P3H2: variants seen among roughly 807,000 people sequenced by gnomAD.
P3H2 encodes leprecan-like 1.
P3H2 carries 80 observed loss-of-function variants against 87.0 expected under a neutral mutation model. The ratio of observed to expected loss-of-function variants is 0.92; its 90% confidence interval spans 0.77 to 1.11. P3H2 has a LOEUF of 1.11. P3H2 is among the 50% of genes least tolerant of loss of function. The probability of loss-of-function intolerance (pLI) is 0.00; values close to 1 mark genes in which losing one functional copy is unlikely to be tolerated. For synonymous variants in P3H2, 367 were observed against 359.3 expected, an observed-to-expected ratio of 1.02 and a Z score of -0.24; for missense variants, 1,001 against 923.9, an observed-to-expected ratio of 1.08 and a Z score of -1.08.
rs751133671 is a variant in P3H2 at position 189,988,901 on chromosome 3, C to T, written c.955+6G>A. 1.2e-6 allele frequency: 2 copies of T among 1,613,900 alleles called. No individual in the cohort carries two copies. The highest frequency in any genetic ancestry group is 1.7e-6 in the Non-Finnish European group (2 of 1,179,974). ...AAGAAGTCTTCACGGATGATCCACG[C>T]TTTACCTCGATAGTAGGCAAACTGT... On this transcript the variant is annotated splice_donor_region_variant and intron_variant, in intron 4 of 14. Transcript: ENST00000319332.
chr3:190,088,540 T>A (rs542250256), intron 1 of P3H2, among the ~76,000 whole-genome samples: 1 of 152,188 alleles, frequency 6.6e-6, no homozygotes, highest in Non-Finnish European at 1.5e-5. Flanking sequence ...AAGGATAAAA[T>A]TTGACTCTGT....
intron 1 of P3H2, among the ~76,000 whole-genome samples, chr3:190,051,877 AG>A (rs1298907436): frequency 1.3e-5 from 2 of 152,140 alleles, no homozygotes; most frequent in African/African-American, 2.4e-5. Context: ...TCTAAGCACA[AG>A]GACTTCCCCT....
intron 1 of P3H2, among the ~76,000 whole-genome samples, chr3:190,002,240 A>T (rs76148417): frequency 0.022 from 3,365 of 152,250 alleles, 134 homozygotes; most frequent in African/African-American, 0.077. Flanking sequence ...AACAGTTTAT[A>T]TCTCCTGACA....
At chr3:190,106,634 A>C (rs1711848957) in intron 1 of P3H2, among the ~76,000 whole-genome samples, 1 of 152,168 alleles carries the variant, frequency 6.6e-6, no homozygotes, top group Admixed American at 6.6e-5. Flanking sequence ...TCACGTAGAC[A>C]AGTTTCATAC....
At chr3:190,091,437 ATATAATAGG>A (rs1727404543) in intron 1 of P3H2, among the ~76,000 whole-genome samples, 1 of 152,244 alleles carries the variant, frequency 6.6e-6, no homozygotes, top group East Asian at 1.9e-4. Context: ...TAATGAAATG[ATATAATAGG>A]ATGCCCCTAT....
chr3:190,064,497 T>G (rs988157706), intron 1 of P3H2, among the ~76,000 whole-genome samples: 3 of 152,082 alleles, frequency 2.0e-5, no homozygotes, highest in African/African-American at 7.2e-5. Flanking sequence ...CAAGGGGATA[T>G]TTTGTAACTT....
At chr3:189,974,462 G>A (rs1723282301) in intron 9 of P3H2, 96 bp downstream of exon 9, 34 of 1,496,848 alleles carry the variant, frequency 2.3e-5, no homozygotes, top group Non-Finnish European at 9.2e-7. Context: ...ATATTTCAGG[G>A]CTTGTTGTCT....
intron 1 of P3H2, among the ~76,000 whole-genome samples, chr3:190,099,820 G>A (rs988059065): frequency 8.5e-5 from 13 of 152,236 alleles, no homozygotes; most frequent in African/African-American, 3.1e-4. Flanking sequence ...TCAGAGCGGA[G>A]TCTGCAGAAC....
intron 1 of P3H2, among the ~76,000 whole-genome samples, chr3:190,053,545 T>A (rs1037072918): frequency 6.6e-6 from 1 of 151,132 alleles, no homozygotes; most frequent in Non-Finnish European, 1.5e-5. Flanking sequence ...GTAACCTCTG[T>A]CTCCTGGGTT....
At chr3:190,006,012 A>G (rs1389400716) in intron 1 of P3H2, among the ~76,000 whole-genome samples, 1 of 152,252 alleles carries the variant, frequency 6.6e-6, no homozygotes, top group Non-Finnish European at 1.5e-5. Context: ...TGTACAGTAT[A>G]TGAAATATCC....
chr3:190,024,550 A>AAAAAAAAG (rs1725031923), intron 1 of P3H2, among the ~76,000 whole-genome samples: 2 of 149,036 alleles, frequency 1.3e-5, no homozygotes, highest in Non-Finnish European at 3.0e-5. Context: ...AAAAAAAAAA[A>AAAAAAAAG]AAAGAAAGAA....
intron 8 of P3H2, among the ~76,000 whole-genome samples, chr3:189,978,946 G>A (rs917080867): frequency 6.6e-6 from 1 of 152,176 alleles, no homozygotes; most frequent in African/African-American, 2.4e-5. Context: ...TATAAAGTAT[G>A]TGCCTGGCTC....
intron 1 of P3H2, among the ~76,000 whole-genome samples, chr3:190,117,790 G>A (rs1712353269): frequency 6.6e-6 from 1 of 151,962 alleles, no homozygotes; most frequent in Non-Finnish European, 1.5e-5. Context: ...CCATGATGCA[G>A]TTTTAGAGGT....
rs1343258811 is a variant in P3H2, at chr3:190,055,230, T to C, written c.481-59788A>G. 2.0e-5 allele frequency among the ~76,000 whole-genome samples: 3 copies of C among 152,162 alleles called. No homozygotes were observed. In the East Asian group the frequency reaches 5.8e-4, roughly 29 times the overall value. On this transcript the variant is annotated intron_variant, in intron 1 of 14. Transcript: ENST00000319332. ...GAATAACTACAAGCTGTGCGTAACA[T>C]AGGGTCTTACATTCAGCAGTCTCCT...
At chr3:189,987,774 T>A in intron 4 of P3H2, 105 bp from the exon 5 acceptor site, 1 of 1,296,918 alleles carries the variant, frequency 7.7e-7, no homozygotes, top group Non-Finnish European at 1.1e-6. Context: ...TAAACATGAA[T>A]AAGAGGGAAG....
intron 1 of P3H2, among the ~76,000 whole-genome samples, chr3:190,092,606 C>T (rs547573416): frequency 1.3e-5 from 2 of 152,334 alleles, no homozygotes; most frequent in South Asian, 4.1e-4. Flanking sequence ...AGAGAGCTTA[C>T]AGCTGCCTTA....
At chr3:190,121,339 TA>T (rs5855306), upstream of P3H2, among the ~76,000 whole-genome samples, 24,995 of 140,528 alleles carry the variant, frequency 0.18, 2,213 homozygotes, top group East Asian at 0.34. Flanking sequence ...AACGTAAAGT[TA>T]AAAAAAAAAA....
rs1483672350 is a variant in P3H2, at chr3:189,988,994, C to T, written c.868G>A (p.Glu290Lys). ...AGGCGGCCAGGGCGGGTGGCAAGTT[C>T]CCTCACACATTCATGCTGACAAACA... is the stretch of plus-strand genomic sequence containing the variant. ...VLVCQHECVR[E>K]LATRPGRLSP... Residue 290 changes from glutamate to lysine, a missense_variant, in exon 4 of 15, where the codon GAA becomes AAA. Coordinates refer to ENST00000319332, the MANE Select transcript of P3H2 (RefSeq NM_018192.4). 6.2e-7 allele frequency: 1 copy of T among 1,613,988 alleles called. No individual in the cohort carries two copies. The highest frequency in any genetic ancestry group is 1.1e-5 in the South Asian group (1 of 91,058).
intron 1 of P3H2, among the ~76,000 whole-genome samples, chr3:190,007,497 T>C (rs1295149020): frequency 6.6e-6 from 1 of 152,110 alleles, no homozygotes. Flanking sequence ...TCAAGCATCT[T>C]GACAAGAGAT....
Sources: allele counts gnomAD v4.1 joint callset (sites outside exome capture counted in the v4.1 genomes callset), GRCh38; gene constraint gnomAD v4.1.1; transcripts MANE v1.5; gene names NCBI Gene and HGNC (gene_info 2026-07-23, HGNC 2026-07-21).